The following RBFOX1 variants were observed in gnomAD, a reference collection of about 807,000 sequenced individuals.
RBFOX1 encodes the protein RNA binding protein fox-1 homolog 1.
A neutral mutation model predicts 57.7 loss-of-function variants in RBFOX1; 8 were observed. The ratio of observed to expected loss-of-function variants is 0.14; its 90% CI spans 0.08 to 0.25. The LOEUF (loss-of-function observed/expected upper bound fraction) is 0.25. RBFOX1 is among the 10% of genes least tolerant of loss of function. The probability of loss-of-function intolerance (pLI) is 1.00; values close to 1 mark genes in which losing one functional copy is unlikely to be tolerated. For missense variants in RBFOX1, 611 were observed against 548.5 expected (o/e 1.11, Z -1.14); for synonymous variants, 326 against 222.4 (o/e 1.47, Z -4.15).
At chr16:5,343,356 C>T (rs927572547) in intron 1 of RBFOX1, among the ~76,000 whole-genome samples, 1 of 145,412 alleles carries the variant, frequency 6.9e-6, no homozygotes, top group Non-Finnish European at 1.5e-5. Context: ...ACTCCATTGC[C>T]CAGGCTGGAG....
intron 4 of RBFOX1, among the ~76,000 whole-genome samples, chr16:7,145,753 A>G (rs201883651): frequency 6.6e-6 from 1 of 152,132 alleles, no homozygotes; most frequent in Admixed American, 6.5e-5. Flanking sequence ...ATGGCCCTGT[A>G]TTAGGGAGAT....
intron 2 of RBFOX1, among the ~76,000 whole-genome samples, chr16:6,563,038 A>T (rs75182790): frequency 2.0e-5 from 3 of 151,958 alleles, no homozygotes; most frequent in African/African-American, 7.3e-5. Flanking sequence ...CATTTGCACA[A>T]TTAGACTCAG....
intron 1 of RBFOX1, among the ~76,000 whole-genome samples, chr16:6,085,211 C>T (rs1306779383): frequency 5.9e-5 from 9 of 152,240 alleles, no homozygotes; most frequent in East Asian, 1.9e-4. Flanking sequence ...ATTTCTTTCA[C>T]GTGACTTTTG....
intron 3 of RBFOX1, among the ~76,000 whole-genome samples, chr16:6,839,861 G>T (rs541769953): frequency 6.6e-6 from 1 of 152,104 alleles, no homozygotes; most frequent in South Asian, 2.1e-4. Context: ...CGTGATATTT[G>T]GGGTATCTTT....
At chr16:6,043,197 C>T (rs898985240) in intron 1 of RBFOX1, among the ~76,000 whole-genome samples, 10 of 133,656 alleles carry the variant, frequency 7.5e-5, no homozygotes, top group Middle Eastern at 4.9e-3. Context: ...CATCTTGTTA[C>T]GTAGGTTAAG....
intron 8 of RBFOX1, among the ~76,000 whole-genome samples, chr16:7,596,540 A>G (rs1271133691): frequency 6.6e-6 from 1 of 152,104 alleles, no homozygotes; most frequent in Non-Finnish European, 1.5e-5. Flanking sequence ...TAAGTGGTGA[A>G]GTCCATCTGC....
chr16:6,862,821 C>T (rs2059249639), intron 3 of RBFOX1, among the ~76,000 whole-genome samples: 2 of 151,970 alleles, frequency 1.3e-5, no homozygotes, highest in South Asian at 2.1e-4. Context: ...CTCGTCTCTA[C>T]TAAAAATACA....
intron 4 of RBFOX1, among the ~76,000 whole-genome samples, chr16:7,070,730 C>T (rs1341427613): frequency 6.6e-6 from 1 of 152,118 alleles, no homozygotes; most frequent in African/African-American, 2.4e-5. Flanking sequence ...GAGCATCCTG[C>T]CCTGAATGTT....
chr16:5,503,190 C>T (rs1460110628), intron 2 of RBFOX1, among the ~76,000 whole-genome samples: 1 of 152,130 alleles, frequency 6.6e-6, no homozygotes, highest in Non-Finnish European at 1.5e-5. Flanking sequence ...CATCTCTGTG[C>T]CACAGTGTCC....
chr16:6,209,710 C>G (rs938774419), intron 1 of RBFOX1, among the ~76,000 whole-genome samples: 3 of 152,156 alleles, frequency 2.0e-5, no homozygotes, highest in Admixed American at 2.0e-4. Context: ...AAGGGAGGGG[C>G]AAGCCATTGT....
chr16:5,659,532 T>C (rs1383796232), intron 3 of RBFOX1, among the ~76,000 whole-genome samples: 1 of 152,046 alleles, frequency 6.6e-6, no homozygotes, highest in East Asian at 1.9e-4. Flanking sequence ...CTCAGTCTCC[T>C]GACCTTGTGA....
At chr16:6,065,719 C>G (rs1275720424) in intron 1 of RBFOX1, among the ~76,000 whole-genome samples, 1 of 152,118 alleles carries the variant, frequency 6.6e-6, no homozygotes, top group Admixed American at 6.5e-5. Flanking sequence ...CTCTGTAGAC[C>G]TACTAAGTTC....
intron 3 of RBFOX1, among the ~76,000 whole-genome samples, chr16:6,805,049 G>A (rs978726844): frequency 6.6e-6 from 1 of 152,110 alleles, no homozygotes. Flanking sequence ...GGGTTTATAT[G>A]CAGAGGAATA....
At chr16:6,780,212 T>TATATATTG (rs1235083964) in intron 3 of RBFOX1, among the ~76,000 whole-genome samples, 2,358 of 16,532 alleles carry the variant, frequency 0.14, 507 homozygotes, top group East Asian at 0.63. Flanking sequence ...TATATATTTA[T>TATATATTG]ATATATTTAT....
At chr16:7,671,666 A>C (rs1361341795) in intron 13 of RBFOX1, 3 of 1,407,390 alleles carry the variant, frequency 2.1e-6, no homozygotes, top group African/African-American at 1.4e-5. Context: ...AATCCTTACT[A>C]ACAAGATAAT....
intron 3 of RBFOX1, among the ~76,000 whole-genome samples, chr16:6,665,881 G>C (rs2098729526): frequency 2.0e-5 from 3 of 151,830 alleles, no homozygotes; most frequent in Admixed American, 1.3e-4. Flanking sequence ...GATATGGTTT[G>C]ACCACGTCCC....
intron 14 of RBFOX1, among the ~76,000 whole-genome samples, chr16:7,700,799 G>C (rs774797921): frequency 6.6e-6 from 1 of 152,134 alleles, no homozygotes; most frequent in African/African-American, 2.4e-5. Flanking sequence ...CCTCAAATCT[G>C]CTGTTGGGTT....
At chr16:7,289,527 C>T (rs1308271426) in intron 4 of RBFOX1, among the ~76,000 whole-genome samples, 1 of 152,032 alleles carries the variant, frequency 6.6e-6, no homozygotes, top group Admixed American at 6.6e-5. Context: ...TCATCATCAC[C>T]ATTATCACCA....
intron 1 of RBFOX1, among the ~76,000 whole-genome samples, chr16:6,044,465 G>A (rs1005835519): frequency 6.8e-6 from 1 of 147,804 alleles, no homozygotes; most frequent in Non-Finnish European, 1.5e-5. Context: ...TATTGCCCTT[G>A]TCTTAGAAGA....
Sources: gnomAD v4.1 joint callset for allele counts (sites outside exome capture counted in the v4.1 genomes callset) on GRCh38, gnomAD v4.1.1 for gene constraint, MANE v1.5 for transcripts, NCBI Gene and HGNC (gene_info 2026-07-23, HGNC 2026-07-21) for gene names.